ARHGAP20: variants seen among roughly 807,000 people sequenced by gnomAD.
The protein encoded by ARHGAP20 is Rho GTPase activating protein 20.
A neutral mutation model predicts 73.7 loss-of-function variants in ARHGAP20; 34 were observed. That is an observed-to-expected ratio of 0.46 (90% CI 0.35 to 0.61). ARHGAP20 has a LOEUF of 0.61. ARHGAP20 is among the 20% of genes least tolerant of loss of function. ARHGAP20 has a pLI of 0.00. For missense variants in ARHGAP20, 1,314 were observed against 1,420.9 expected (o/e 0.92, Z 1.21); for synonymous variants, 523 against 518.2 (o/e 1.01, Z -0.13).
At chr11:110,598,644 G>C (rs561009322) in intron 9 of ARHGAP20, among the ~76,000 whole-genome samples, 1 of 152,202 alleles carries the variant, frequency 6.6e-6, no homozygotes, top group African/African-American at 2.4e-5. Flanking sequence ...AAGGAACAAA[G>C]ATTTCCTAGA....
intron 2 of ARHGAP20, among the ~76,000 whole-genome samples, chr11:110,672,346 ATCACT>A (rs1949845041): frequency 6.6e-6 from 1 of 152,220 alleles, no homozygotes; most frequent in Non-Finnish European, 1.5e-5. Context: ...GTTGAAACAG[ATCACT>A]TCACAAAGAA....
At chr11:110,582,287 T>C in intron 14 of ARHGAP20, 34 bp downstream of exon 14, 1 of 1,522,816 alleles carries the variant, frequency 6.6e-7, no homozygotes, top group Non-Finnish European at 9.1e-7. Context: ...ATGTGTCTGT[T>C]TCTCACAAAA....
chr11:110,688,494 A>C (rs1287999618), intron 2 of ARHGAP20, among the ~76,000 whole-genome samples: 2 of 152,192 alleles, frequency 1.3e-5, no homozygotes, highest in Non-Finnish European at 2.9e-5. Context: ...AAAACTGTGT[A>C]TTTGTTAAAA....
intron 2 of ARHGAP20, among the ~76,000 whole-genome samples, chr11:110,676,743 A>G (rs992636721): frequency 2.6e-5 from 4 of 152,208 alleles, no homozygotes; most frequent in African/African-American, 9.7e-5. Context: ...ATTTTATGAT[A>G]AAAATGTATG....
chr11:110,604,272 A>G (rs1948173050), intron 9 of ARHGAP20, among the ~76,000 whole-genome samples: 1 of 152,162 alleles, frequency 6.6e-6, no homozygotes, highest in Admixed American at 6.5e-5. Context: ...TTTTTTACAC[A>G]GGCATTCTGA....
At chr11:110,695,865 A>G (rs896393749) in intron 1 of ARHGAP20, among the ~76,000 whole-genome samples, 3 of 151,636 alleles carry the variant, frequency 2.0e-5, no homozygotes, top group Non-Finnish European at 4.4e-5. Context: ...AGACTTGCAT[A>G]TGACTGCTTA....
At chr11:110,610,107 C>G (rs964296178) in intron 7 of ARHGAP20, among the ~76,000 whole-genome samples, 1 of 152,074 alleles carries the variant, frequency 6.6e-6, no homozygotes, top group African/African-American at 2.4e-5. Flanking sequence ...CCTCTACATA[C>G]CTCTAAAACT....
intron 2 of ARHGAP20, among the ~76,000 whole-genome samples, chr11:110,632,567 A>G (rs1170599775): frequency 4.6e-5 from 7 of 151,808 alleles, no homozygotes; most frequent in African/African-American, 1.7e-4. Context: ...ACCACGCCCA[A>G]CTAATTTTTG....
intron 2 of ARHGAP20, among the ~76,000 whole-genome samples, chr11:110,640,359 C>T (rs543162760): frequency 4.0e-5 from 6 of 151,888 alleles, no homozygotes; most frequent in African/African-American, 1.4e-4. Flanking sequence ...CTGTTTTACC[C>T]TACCTGGTTC....
chr11:110,587,693 A>C (rs1216436937), intron 11 of ARHGAP20, among the ~76,000 whole-genome samples: 2 of 152,320 alleles, frequency 1.3e-5, no homozygotes, highest in Admixed American at 1.3e-4. Flanking sequence ...AGAGAAGGCC[A>C]ATCAACTGTA....
chr11:110,694,040 G>A (rs745624727), intron 1 of ARHGAP20, among the ~76,000 whole-genome samples: 6 of 151,786 alleles, frequency 4.0e-5, no homozygotes, highest in Non-Finnish European at 7.4e-5. Context: ...ATACATTTAG[G>A]CAAAAATACT....
At chr11:110,617,067 T>C (rs1948500164) in intron 4 of ARHGAP20, among the ~76,000 whole-genome samples, 1 of 152,192 alleles carries the variant, frequency 6.6e-6, no homozygotes, top group African/African-American at 2.4e-5. Context: ...CTTATGTTCT[T>C]TTCCAGGCAG....
rs1292421425 is a variant in ARHGAP20, at chr11:110,711,996, G to A, written c.105+131C>T. ...GGAAGTGTTCTGGGACTCTCATTAG[G>A]GGCCGCGAGCCTCGAGCGTCAAATT... On this transcript the variant is annotated intron_variant, in intron 1 of 14. Transcript: ENST00000683387. 4 of 1,239,806 alleles carry A rather than the reference G, an allele frequency of 3.2e-6. 1 individual carries two copies. Among genetic ancestry groups the A allele is most frequent in the Non-Finnish European group, 1.0e-6 (1 of 991,142 alleles). 76.8% of individuals were successfully genotyped at this position (1,239,806 alleles called of 1,614,324 possible).
intron 2 of ARHGAP20, among the ~76,000 whole-genome samples, chr11:110,644,040 A>G (rs1949132027): frequency 6.6e-6 from 1 of 152,114 alleles, no homozygotes; most frequent in South Asian, 2.1e-4. Context: ...AGATAAGTCA[A>G]GAATGCCATT....
At chr11:110,623,082 G>C (rs1380102036) in intron 4 of ARHGAP20, among the ~76,000 whole-genome samples, 1 of 151,960 alleles carries the variant, frequency 6.6e-6, no homozygotes, top group South Asian at 2.1e-4. Context: ...TCATGGAAAA[G>C]AAGATATGCT....
chr11:110,664,342 T>C (rs1391369807), intron 2 of ARHGAP20, among the ~76,000 whole-genome samples: 2 of 152,036 alleles, frequency 1.3e-5, no homozygotes, highest in African/African-American at 2.4e-5. Flanking sequence ...GGTTGCAGGA[T>C]ATAAGACATA....
At chr11:110,659,165 C>T (rs556184342) in intron 2 of ARHGAP20, among the ~76,000 whole-genome samples, 1 of 147,064 alleles carries the variant, frequency 6.8e-6, no homozygotes, top group African/African-American at 2.5e-5. Flanking sequence ...AACTAGTTTA[C>T]AGTCCCACCA....
In ARHGAP20 at chr11:110,577,759, G is replaced by A. The variant is rs761503897; in HGVS notation, c.*1611C>T. On this transcript the variant is annotated 3_prime_UTR_variant, in exon 15 of 15. Transcript: ENST00000683387. ...CTAAAAGATCATTGTAATGGTTAGC[G>A]CAAACAGGGCCATGTCCCCAAGAGG... is the stretch of plus-strand genomic sequence containing the variant. 7.7e-5 allele frequency: 76 copies of A among 985,806 alleles called. No homozygotes were observed. Among genetic ancestry groups the A allele is most frequent in the East Asian group, 6.8e-4 (6 of 8,816 alleles). 61.1% of individuals were successfully genotyped at this position (985,806 alleles called of 1,614,324 possible).
intron 2 of ARHGAP20, among the ~76,000 whole-genome samples, chr11:110,669,990 A>G (rs1345256659): frequency 1.3e-5 from 2 of 152,188 alleles, no homozygotes; most frequent in African/African-American, 4.8e-5. Flanking sequence ...AAAAAGTAGC[A>G]TGGTATTTAT....
Sources: gnomAD v4.1 joint callset for allele counts (sites outside exome capture counted in the v4.1 genomes callset) on GRCh38, gnomAD v4.1.1 for gene constraint, MANE v1.5 for transcripts, NCBI Gene and HGNC (gene_info 2026-07-23, HGNC 2026-07-21) for gene names.